CCDC73: variants seen among roughly 807,000 people sequenced by gnomAD.
CCDC73 encodes coiled-coil domain containing 73.
CCDC73 carries 95 observed loss-of-function variants against 116.5 expected under a neutral mutation model. The observed-to-expected ratio is 0.82, with a 90% confidence interval of 0.69 to 0.97. CCDC73 has a LOEUF of 0.97. Ranked by LOEUF, CCDC73 falls within the 50% of genes least tolerant of loss-of-function variation. The pLI is 0.00. For missense variants in CCDC73, 1,066 were observed against 1,206.8 expected, an observed-to-expected ratio of 0.88 and a Z score of 1.73; for synonymous variants, 398 against 401.3, an observed-to-expected ratio of 0.99 and a Z score of 0.10.
intron 3 of CCDC73, among the ~76,000 whole-genome samples, chr11:32,703,325 C>A (rs1020813807): frequency 2.6e-5 from 4 of 151,970 alleles, no homozygotes; most frequent in Non-Finnish European, 5.9e-5. Flanking sequence ...TGGACTCAAG[C>A]GACCCACCAC....
chr11:32,699,215 C>A lies in CCDC73; in HGVS notation c.390+36G>T, dbSNP rs532978117. ...TTTTACTGATATAATGCTAAAATACCAAACTACTTTTTAAACAATACGTAG... is the reference window on the plus strand; with the variant it reads ...TTTTACTGATATAATGCTAAAATACAAAACTACTTTTTAAACAATACGTAG... On this transcript the variant is annotated intron_variant, in intron 6 of 17. Transcript: ENST00000335185. The A allele has an allele frequency of 9.1e-6, 14 of 1,540,800 alleles. No individual in the cohort carries two copies. The African/African-American group carries it at 9.6e-5, about 11-fold the overall frequency.
Position 32,613,434 on chromosome 11 carries a change from C to T in CCDC73, c.2884G>A (p.Asp962Asn), listed in dbSNP as rs1855440283. The change falls in exon 16 of 18, where the codon GAT (aspartate) becomes AAT (asparagine). Residue 962 changes from aspartate to asparagine, a missense_variant. Transcript: ENST00000335185. ...KNIGVDDVGKDIGPDTTSINR... is the reference protein window; with the variant it reads ...KNIGVDDVGKNIGPDTTSINR... ...TTTGTTTTCTTACCTGGTCCAATAT[C>T]CTTTCCAACATCATCCACACCAATA... is the stretch of plus-strand genomic sequence containing the variant. 1 of 1,608,188 alleles carries T rather than the reference C, an allele frequency of 6.2e-7. No individual in the cohort carries two copies. The highest frequency in any genetic ancestry group is 1.3e-5 in the African/African-American group (1 of 74,688).
At chr11:32,799,661 C>T (rs1185024667), upstream of CCDC73, among the ~76,000 whole-genome samples, 2 of 152,114 alleles carry the variant, frequency 1.3e-5, no homozygotes, top group Non-Finnish European at 2.9e-5. Context: ...ACATGTCTCC[C>T]AAACTAGGTT....
chr11:32,649,980 T>C (rs1254641836), intron 12 of CCDC73, among the ~76,000 whole-genome samples: 1 of 152,142 alleles, frequency 6.6e-6, no homozygotes, highest in East Asian at 1.9e-4. Context: ...TTGTGGCAGT[T>C]AAAAAGAAAG....
intron 16 of CCDC73, among the ~76,000 whole-genome samples, chr11:32,612,070 A>G (rs1247324332): frequency 1.3e-5 from 2 of 152,178 alleles, no homozygotes; most frequent in African/African-American, 4.8e-5. Flanking sequence ...ATTATTTCCC[A>G]TTGGTAGTAG....
intron 14 of CCDC73, among the ~76,000 whole-genome samples, chr11:32,623,521 T>C (rs1855541602): frequency 6.6e-6 from 1 of 152,122 alleles, no homozygotes. Flanking sequence ...CCGCTAATTT[T>C]TAAAAAAATT....
chr11:32,722,483 T>G (rs1344190506), intron 2 of CCDC73, among the ~76,000 whole-genome samples: 1 of 152,134 alleles, frequency 6.6e-6, no homozygotes, highest in African/African-American at 2.4e-5. Context: ...TATGACACAT[T>G]TAGGGTTTTT....
intron 9 of CCDC73, among the ~76,000 whole-genome samples, chr11:32,670,941 C>T (rs1172601860): frequency 1.3e-5 from 2 of 152,092 alleles, no homozygotes; most frequent in Non-Finnish European, 2.9e-5. Flanking sequence ...ATATTAATTA[C>T]TTAATCTCAA....
the CCDC73 span, among the ~76,000 whole-genome samples, chr11:32,824,733 G>A: frequency 6.6e-6 from 1 of 152,148 alleles, no homozygotes; most frequent in South Asian, 2.1e-4. Flanking sequence ...CTTTACTAAA[G>A]CCATTAGTAA....
intron 1 of CCDC73, among the ~76,000 whole-genome samples, chr11:32,766,059 T>A (rs1850438835): frequency 6.6e-6 from 1 of 152,172 alleles, no homozygotes; most frequent in South Asian, 2.1e-4. Flanking sequence ...AAATCCTCCA[T>A]AAAATACTGG....
chr11:32,813,860 G>A, the CCDC73 span, among the ~76,000 whole-genome samples: 5 of 152,048 alleles, frequency 3.3e-5, no homozygotes, highest in Admixed American at 6.5e-5. Context: ...TCTTCTTCAG[G>A]AGTGTCTTAA....
intron 12 of CCDC73, among the ~76,000 whole-genome samples, chr11:32,648,880 T>C (rs1855802229): frequency 6.6e-6 from 1 of 152,190 alleles, no homozygotes. Flanking sequence ...AGGGATTGTT[T>C]CCTGGCCTTT....
At chr11:32,754,735 T>A (rs2133370635) in intron 2 of CCDC73, among the ~76,000 whole-genome samples, 1 of 152,188 alleles carries the variant, frequency 6.6e-6, no homozygotes, top group Non-Finnish European at 1.5e-5. Context: ...AATCTACAAT[T>A]TCATGGCAAA....
chr11:32,671,746 A>G (rs1040654426), intron 9 of CCDC73, among the ~76,000 whole-genome samples: 1 of 152,166 alleles, frequency 6.6e-6, no homozygotes, highest in Non-Finnish European at 1.5e-5. Flanking sequence ...AGGTAATTAA[A>G]TTTTCTCACT....
chr11:32,634,493 AG>A (rs1292970905), intron 14 of CCDC73, among the ~76,000 whole-genome samples: 2 of 152,212 alleles, frequency 1.3e-5, no homozygotes, highest in Non-Finnish European at 2.9e-5. Context: ...TCAGCAAACC[AG>A]ATATGAAAGG....
chr11:32,739,659 C>A (rs1046397284), intron 2 of CCDC73, among the ~76,000 whole-genome samples: 3 of 152,136 alleles, frequency 2.0e-5, no homozygotes, highest in African/African-American at 7.2e-5. Flanking sequence ...AATTTGAATT[C>A]ATCCTTTCCA....
At chr11:32,734,922 A>G (rs1313568160) in intron 2 of CCDC73, among the ~76,000 whole-genome samples, 1 of 152,254 alleles carries the variant, frequency 6.6e-6, no homozygotes, top group African/African-American at 2.4e-5. Context: ...CAAAAACCAC[A>G]TGATTATCTC....
upstream of CCDC73, among the ~76,000 whole-genome samples, chr11:32,798,917 G>GT (rs797004020): frequency 1.5e-4 from 22 of 149,740 alleles, 1 homozygote; most frequent in South Asian, 4.5e-3. Flanking sequence ...GTTTGTTTTG[G>GT]GGGGGGGCGT....
chr11:32,640,717 AAG>A (rs1282360721), intron 13 of CCDC73, among the ~76,000 whole-genome samples: 7 of 152,136 alleles, frequency 4.6e-5, no homozygotes, highest in Non-Finnish European at 8.8e-5. Context: ...ACTATAAATT[AAG>A]AAAACATGTT....
Sources: allele counts gnomAD v4.1 joint callset (sites outside exome capture counted in the v4.1 genomes callset), GRCh38; gene constraint gnomAD v4.1.1; transcripts MANE v1.5; gene names NCBI Gene and HGNC (gene_info 2026-07-23, HGNC 2026-07-21).